Variants in CSMD1 observed in about 807,000 individuals in gnomAD.
CSMD1 encodes CUB and Sushi multiple domains 1.
A neutral mutation model predicts 417.5 loss-of-function variants in CSMD1; 213 were observed. The observed-to-expected ratio is 0.51, with a 90% confidence interval of 0.46 to 0.57. The LOEUF is 0.57. CSMD1 is among the 20% of genes least tolerant of loss of function. The probability of loss-of-function intolerance (pLI) is 0.00; values close to 1 mark genes in which losing one functional copy is unlikely to be tolerated. For synonymous variants in CSMD1, 2,862 were observed against 1,736.8 expected (o/e 1.65, Z -16.11); for missense variants, 6,923 against 4,529.7 (o/e 1.53, Z -15.17).
Position 4,838,077 on chromosome 8 carries a change from T to A in CSMD1, c.85+156255A>T, listed in dbSNP as rs116553946. 5.4e-3 allele frequency among the ~76,000 whole-genome samples: 823 copies of A among 152,170 alleles called. 3 individuals carry two copies. Among genetic ancestry groups the A allele is most frequent in the African/African-American group, 0.019 (787 of 41,522 alleles). On this transcript the variant is annotated intron_variant, in intron 1 of 69. Coordinates refer to ENST00000635120, the MANE Select transcript of CSMD1 (RefSeq NM_033225.6). Reference sequence around the variant, plus strand: ...GGTGACCAGGAAGGGACATAGTGGATTTGCCGGTAATAAAAATTAGTGAGA... The same window carrying A: ...GGTGACCAGGAAGGGACATAGTGGAATTGCCGGTAATAAAAATTAGTGAGA...
intron 2 of CSMD1, among the ~76,000 whole-genome samples, chr8:4,591,838 T>A (rs1799999168): frequency 6.6e-6 from 1 of 152,062 alleles, no homozygotes; most frequent in Non-Finnish European, 1.5e-5. Context: ...AGGGGGCCTC[T>A]GGAACAAGGC....
At chr8:4,528,973 G>C (rs929059069) in intron 2 of CSMD1, among the ~76,000 whole-genome samples, 1 of 152,156 alleles carries the variant, frequency 6.6e-6, no homozygotes, top group African/African-American at 2.4e-5. Flanking sequence ...TTAGGTCTTT[G>C]TGAGATTTAT....
chr8:4,242,017 C>A (rs1802434811), intron 3 of CSMD1, among the ~76,000 whole-genome samples: 1 of 152,034 alleles, frequency 6.6e-6, no homozygotes, highest in African/African-American at 2.4e-5. Flanking sequence ...ATTCATCTGC[C>A]CCTTGTTTTA....
At chr8:4,871,808 T>G (rs1585242019) in intron 1 of CSMD1, among the ~76,000 whole-genome samples, 1 of 152,122 alleles carries the variant, frequency 6.6e-6, no homozygotes, top group Non-Finnish European at 1.5e-5. Context: ...TTGAAAAACC[T>G]TTCCAGTAAC....
intron 3 of CSMD1, among the ~76,000 whole-genome samples, chr8:4,192,562 G>C (rs943870457): frequency 2.0e-5 from 3 of 152,116 alleles, no homozygotes; most frequent in African/African-American, 7.2e-5. Flanking sequence ...ATCAGCACCA[G>C]CTAGTGGGTA....
intron 3 of CSMD1, among the ~76,000 whole-genome samples, chr8:4,344,312 G>C (rs1239784744): frequency 6.6e-6 from 1 of 152,018 alleles, no homozygotes; most frequent in Non-Finnish European, 1.5e-5. Context: ...AAACATTTCA[G>C]ACGTGGCCTT....
chr8:4,352,716 A>G (rs1397188652), intron 3 of CSMD1, among the ~76,000 whole-genome samples: 3 of 152,230 alleles, frequency 2.0e-5, no homozygotes, highest in Non-Finnish European at 2.9e-5. Context: ...GAACACAAAT[A>G]AGAACCCTCT....
chr8:3,998,249 C>G, intron 4 of CSMD1, 139 bp from the exon 5 acceptor site: 2 of 680,550 alleles, frequency 2.9e-6, no homozygotes, highest in Non-Finnish European at 4.9e-6. Flanking sequence ...GAAAAAGAAT[C>G]TTTTGGTATG....
chr8:4,785,560 ATC>A (rs1381905543), intron 1 of CSMD1, among the ~76,000 whole-genome samples: 1 of 152,142 alleles, frequency 6.6e-6, no homozygotes, highest in African/African-American at 2.4e-5. Flanking sequence ...ATTCACATCC[ATC>A]TCCATAGTCC....
chr8:3,244,029 C>T (rs893762083), intron 26 of CSMD1, among the ~76,000 whole-genome samples: 5 of 152,134 alleles, frequency 3.3e-5, no homozygotes, highest in African/African-American at 1.2e-4. Context: ...AGATAAAATG[C>T]TTCTCACATC....
chr8:4,671,681 G>C (rs1805339275), intron 1 of CSMD1, among the ~76,000 whole-genome samples: 1 of 152,090 alleles, frequency 6.6e-6, no homozygotes, highest in Admixed American at 6.6e-5. Context: ...TCAGTTTATA[G>C]ATTTATTTTT....
At chr8:4,159,225 T>G (rs1253588080) in intron 3 of CSMD1, among the ~76,000 whole-genome samples, 1 of 152,172 alleles carries the variant, frequency 6.6e-6, no homozygotes, top group Non-Finnish European at 1.5e-5. Flanking sequence ...CCGTAATTCT[T>G]TATTGATAGA....
chr8:4,765,508 A>G, intron 1 of CSMD1, among the ~76,000 whole-genome samples: 1 of 152,224 alleles, frequency 6.6e-6, no homozygotes, highest in Non-Finnish European at 1.5e-5. Flanking sequence ...TTAAAATTAT[A>G]CTGCTGGGAA....
Position 3,399,515 on chromosome 8 carries a change from G to T in CSMD1, c.2281C>A (p.His761Asn). ...VPRCEAPCGG[H>N]LTASSGVILP... ...ATGACTCCGCTGGACGCTGTCAGAT[G>T]TCCACCACATGGAGCTAAAACAAGA... Residue 761 changes from histidine (H) to asparagine (N), a missense_variant, in exon 16 of 70, where the codon CAT becomes AAT. His to Asn is a moderately conservative substitution (Grantham distance 68). Coordinates refer to ENST00000635120, the MANE Select transcript of CSMD1 (RefSeq NM_033225.6). The T allele has an allele frequency of 1.3e-6, 2 of 1,598,102 alleles. No homozygotes were observed. The highest frequency in any genetic ancestry group is 1.7e-6 in the Non-Finnish European group (2 of 1,173,130).
chr8:4,726,190 G>C (rs1314984069), intron 1 of CSMD1, among the ~76,000 whole-genome samples: 3 of 151,982 alleles, frequency 2.0e-5, no homozygotes, highest in African/African-American at 4.8e-5. Flanking sequence ...TATTACACTT[G>C]GAAGTTTTCA....
chr8:3,877,527 G>T (rs550707305), intron 5 of CSMD1, among the ~76,000 whole-genome samples: 1 of 152,228 alleles, frequency 6.6e-6, no homozygotes, highest in East Asian at 1.9e-4. Context: ...CTCAAGCTTC[G>T]ATGTTCCCCA....
At chr8:4,095,417 T>C (rs956993823) in intron 3 of CSMD1, among the ~76,000 whole-genome samples, 7 of 151,892 alleles carry the variant, frequency 4.6e-5, no homozygotes, top group African/African-American at 1.5e-4. Flanking sequence ...AAAATGACAA[T>C]AGTGCAGCTA....
chr8:4,848,531 A>C (rs1801279302), intron 1 of CSMD1, among the ~76,000 whole-genome samples: 2 of 151,900 alleles, frequency 1.3e-5, no homozygotes, highest in South Asian at 4.2e-4. Flanking sequence ...AATGATGTAT[A>C]GTACATAATG....
chr8:4,668,080 T>C (rs1021711349), intron 1 of CSMD1, among the ~76,000 whole-genome samples: 1 of 152,218 alleles, frequency 6.6e-6, no homozygotes, highest in Non-Finnish European at 1.5e-5. Context: ...TTTGACCTAA[T>C]CTTATTCTAC....
Sources: allele counts gnomAD v4.1 joint callset (sites outside exome capture counted in the v4.1 genomes callset), GRCh38; gene constraint gnomAD v4.1.1; transcripts MANE v1.5; gene names NCBI Gene and HGNC (gene_info 2026-07-23, HGNC 2026-07-21).